The following MYH6 variants were observed in gnomAD, a reference collection of about 807,000 sequenced individuals.
The protein encoded by MYH6 is myosin heavy chain 6.
A neutral mutation model predicts 223.2 loss-of-function variants in MYH6; 126 were observed. The ratio of observed to expected loss-of-function variants is 0.56; its 90% CI spans 0.49 to 0.65. The LOEUF is 0.65. Ranked by LOEUF, MYH6 falls within the 30% of genes least tolerant of loss-of-function variation. The pLI is 0.00. For synonymous variants in MYH6, 978 were observed against 1,010.2 expected (o/e 0.97, Z 0.61); for missense variants, 2,040 against 2,536.4 (o/e 0.80, Z 4.20).
At position 23,393,882 on chromosome 14, in the gene MYH6, C is replaced by T; in HGVS notation, c.2712G>A (p.Glu904=). The change falls in exon 22 of 39, where the codon GAG becomes GAA. Residue 904 remains glutamate, a synonymous_variant. Transcript: ENST00000405093. The part of the protein sequence containing the change: ...QAEQDNLNDA[E]ERCDQLIKNK... Reference sequence around the variant, plus strand: ...TTTTGATCAGCTGGTCGCAGCGCTCCTCAGCATCATTGAGGTTGTCTTGTT... The same window carrying T: ...TTTTGATCAGCTGGTCGCAGCGCTCTTCAGCATCATTGAGGTTGTCTTGTT... 1 of 1,614,182 alleles carries T rather than the reference C, an allele frequency of 6.2e-7. No individual in the cohort carries two copies. Among genetic ancestry groups the T allele is most frequent in the Non-Finnish European group, 8.5e-7 (1 of 1,180,044 alleles).
intron 20 of MYH6, among the ~76,000 whole-genome samples, chr14:23,394,709 A>G (rs1891342568): frequency 6.6e-6 from 1 of 152,198 alleles, no homozygotes; most frequent in Admixed American, 6.5e-5. Context: ...CCACTGAAAC[A>G]GGAGCTGAAA....
rs1398805546 is a variant in MYH6, at chr14:23,390,404, T to C, written c.3385A>G (p.Thr1129Ala). 6.2e-7 allele frequency: 1 copy of C among 1,610,880 alleles called. No homozygotes were observed. The highest frequency in any genetic ancestry group is 1.3e-5 in the African/African-American group (1 of 74,682). Residue 1129 changes from threonine to alanine, a missense_variant, in exon 26 of 39, where the codon ACC becomes GCC. Transcript: ENST00000405093. ...ELEEELEAER[T>A]ARAKVEKLRS... ...AGCTTCTCCACCTTAGCCCTGGCGGTGCGCTCGGCCTCCAGCTCCTCCTCC... is the reference window on the plus strand; with the variant it reads ...AGCTTCTCCACCTTAGCCCTGGCGGCGCGCTCGGCCTCCAGCTCCTCCTCC...
At chr14:23,396,254 G>C (rs199657551) in intron 20 of MYH6, 30 bp downstream of exon 20, 1 of 1,613,778 alleles carries the variant, frequency 6.2e-7, no homozygotes, top group African/African-American at 1.3e-5. Flanking sequence ...TACATCTCTA[G>C]TGCATGCCTC....
At position 23,393,012 on chromosome 14, in the gene MYH6, C is replaced by G; in HGVS notation, c.3151G>C (p.Glu1051Gln). Residue 1051 changes from glutamate (E) to glutamine (Q), a missense_variant, in exon 24 of 39, where the codon GAG becomes CAG. Glu to Gln is a conservative substitution (Grantham distance 29). This residue lies in a region of MYH6 where 1,203 missense variants were observed against 1,400.2 expected (regional missense o/e 0.86). Coordinates refer to ENST00000405093, the MANE Select transcript of MYH6 (RefSeq NM_002471.4). ...EQEKKVRMDL[E>Q]RAKRKLEGDL... Reference sequence around the variant, plus strand: ...CCCTCCAGTTTCCGCTTTGCTCGCTCCAGGTCCATGCGCACCTTCTTCTCT... The same window carrying G: ...CCCTCCAGTTTCCGCTTTGCTCGCTGCAGGTCCATGCGCACCTTCTTCTCT... 1.9e-6 allele frequency: 3 copies of G among 1,614,212 alleles called. No individual in the cohort carries two copies. Among genetic ancestry groups the G allele is most frequent in the South Asian group, 1.1e-5 (1 of 91,090 alleles).
At position 23,405,052 on chromosome 14, in the gene MYH6, G is replaced by A. The variant is rs1432949059; in HGVS notation, c.530+48C>T. On this transcript the variant is annotated intron_variant, in intron 6 of 38. Coordinates refer to ENST00000405093, the MANE Select transcript of MYH6 (RefSeq NM_002471.4). This position sits in a 1 kb window ranked among gnomAD's most constrained non-coding sequence, Gnocchi z 4.7. The stretch of plus-strand genomic sequence containing the variant: ...CCAACTACACCCTAGGCATCAGCGT[G>A]TATGCCCCCAGCCCAGTCCCTTCTG... 1 of 1,613,218 alleles carries A rather than the reference G, an allele frequency of 6.2e-7. No homozygotes were observed. Among genetic ancestry groups the A allele is most frequent in the East Asian group, 2.2e-5 (1 of 44,874 alleles).
intron 23 of MYH6, 54 bp from the exon 24 acceptor site, chr14:23,393,111 A>G (rs895445929): frequency 8.1e-6 from 13 of 1,610,464 alleles, no homozygotes; most frequent in African/African-American, 4.0e-5. Context: ...TCCATAGTGT[A>G]TGCTCTTTTG....
Position 23,396,286 on chromosome 14 carries a change from G to A in MYH6, c.2427C>T (p.Arg809=). 1 of 1,614,112 alleles carries A rather than the reference G, an allele frequency of 6.2e-7. No homozygotes were observed. Among genetic ancestry groups the A allele is most frequent in the Non-Finnish European group, 8.5e-7 (1 of 1,180,030 alleles). ...CCTCCCTTTTCCTCCTGTCTCACCT[G>A]CGTTCCACTATCTTCTTGAACTCAA... is the stretch of plus-strand genomic sequence containing the variant. ...MRIEFKKIVE[R]RDALLVIQWN... The change falls in exon 20 of 39, where the codon CGC becomes CGT. Residue 809 remains arginine, a splice_region_variant and synonymous_variant. Transcript: ENST00000405093.
At chr14:23,387,050 T>A (rs1443366781) in intron 32 of MYH6, among the ~76,000 whole-genome samples, 1 of 152,232 alleles carries the variant, frequency 6.6e-6, no homozygotes, top group Non-Finnish European at 1.5e-5. Context: ...ATAGCTAATA[T>A]ATATTAAGTG....
chr14:23,391,344 G>A (rs542811690), intron 25 of MYH6, among the ~76,000 whole-genome samples: 2 of 152,336 alleles, frequency 1.3e-5, no homozygotes, highest in South Asian at 4.1e-4. Context: ...GGATGAAGGA[G>A]GAGCCATAGC....
intron 35 of MYH6, 79 bp downstream of exon 35, chr14:23,384,837 G>A: frequency 6.2e-7 from 1 of 1,613,242 alleles, no homozygotes; most frequent in South Asian, 1.1e-5. Context: ...TTGGCTTGGT[G>A]TTACAGCACA....
chr14:23,388,813 C>T, intron 29 of MYH6, 46 bp downstream of exon 29: 2 of 1,613,984 alleles, frequency 1.2e-6, no homozygotes, highest in Non-Finnish European at 1.7e-6. Flanking sequence ...GGTCCTCTCG[C>T]CCCTTCCTCT....
intron 20 of MYH6, among the ~76,000 whole-genome samples, 160 bp downstream of exon 20, chr14:23,396,124 A>G (rs1010842338): frequency 4.0e-5 from 6 of 151,876 alleles, no homozygotes; most frequent in Non-Finnish European, 8.8e-5. Flanking sequence ...AAAGAAGAAG[A>G]AGAAGAAGAA....
rs201043980 is a variant in MYH6, at chr14:23,398,756, G to A, written c.1863C>T (p.Leu621=). The change falls in exon 15 of 39, where the codon CTC becomes CTT. Residue 621 remains leucine, a synonymous_variant. Coordinates refer to ENST00000405093, the MANE Select transcript of MYH6 (RefSeq NM_002471.4). The part of the protein sequence containing the change: ...QKSSLKLMAT[L]FSSYATADTG... ...TATCGGCAGTTGCGTAGGAGGAGAA[G>A]AGAGTGGCCATGAGCTTGAGGGAGG... 3 of 1,614,238 alleles carry A rather than the reference G, an allele frequency of 1.9e-6. No homozygotes were observed. The highest frequency in any genetic ancestry group is 4.5e-5 in the East Asian group (2 of 44,888).
intron 33 of MYH6, 80 bp downstream of exon 33, chr14:23,386,235 G>T (rs1458706725): frequency 1.2e-6 from 2 of 1,612,810 alleles, no homozygotes; most frequent in African/African-American, 1.3e-5. Flanking sequence ...GGAGGAATCT[G>T]GTGCCTGTAT....
chr14:23,383,609 A>C (rs1261889801), intron 36 of MYH6, among the ~76,000 whole-genome samples: 1 of 152,188 alleles, frequency 6.6e-6, no homozygotes, highest in Non-Finnish European at 1.5e-5. Flanking sequence ...ATATAAAAGC[A>C]CCAGGTCTGT....
rs1302804356 is a variant in MYH6 at position 23,387,592 on chromosome 14, C to T, written c.4587G>A (p.Glu1529=). 7.4e-6 allele frequency: 12 copies of T among 1,613,990 alleles called. No homozygotes were observed. Among genetic ancestry groups the T allele is most frequent in the South Asian group, 5.5e-5 (5 of 91,088 alleles). ...CCACCTCCAGCTGTTTGCGGACCTT[C>T]TCCAGCTCATGCACATTCTTTCCTC... ...GEGGKNVHEL[E]KVRKQLEVEK... Residue 1529 remains glutamate, a synonymous_variant, in exon 32 of 39, where the codon GAG becomes GAA. Coordinates refer to ENST00000405093, the MANE Select transcript of MYH6 (RefSeq NM_002471.4).
chr14:23,396,629 C>G (rs769661753), intron 19 of MYH6, 65 bp downstream of exon 19: 11 of 1,613,478 alleles, frequency 6.8e-6, no homozygotes, highest in Non-Finnish European at 9.3e-6. Context: ...GCCTCCTAAA[C>G]TCCTCTCTGC....
At chr14:23,397,928 C>CCTG (rs1891449707) in intron 15 of MYH6, among the ~76,000 whole-genome samples, 1 of 132,908 alleles carries the variant, frequency 7.5e-6, no homozygotes, top group Non-Finnish European at 1.6e-5. Flanking sequence ...TCCTCCTCCT[C>CCTG]CTCCTCTTCT....
rs938943889 is a variant in MYH6, at chr14:23,402,358, C to T, written c.1141+106G>A. ...GTCCCTGTCCCTCACCATCCCACAA[C>T]ACACCCCACTGCCCCACAAGCCTCA... On this transcript the variant is annotated intron_variant, in intron 12 of 38. Transcript: ENST00000405093. The T allele has an allele frequency of 1.5e-4, 233 of 1,552,524 alleles. 1 individual carries two copies. Among genetic ancestry groups the T allele is most frequent in the Admixed American group, 6.6e-4 (38 of 57,928 alleles).
Sources: gnomAD v4.1 joint callset for allele counts (sites outside exome capture counted in the v4.1 genomes callset) on GRCh38, gnomAD v4.1.1 for gene constraint, gnomAD v4.1.1 regional missense constraint, Gnocchi (gnomAD v3.1) non-coding constraint, MANE v1.5 for transcripts, NCBI Gene and HGNC (gene_info 2026-07-23, HGNC 2026-07-21) for gene names.